CAPN6: variants seen among roughly 807,000 people sequenced by gnomAD.
The protein encoded by CAPN6 is calpain 6.
A neutral mutation model predicts 46.0 loss-of-function variants in CAPN6; 16 were observed. The observed-to-expected ratio is 0.35, with a 90% CI of 0.24 to 0.53. The LOEUF is 0.53. Among genes scored for constraint, CAPN6 ranks in the 20% least tolerant of loss-of-function variants. The pLI is 0.94. For synonymous variants in CAPN6, 206 were observed against 172.8 expected (o/e 1.19, Z -1.51); for missense variants, 461 against 498.0 (o/e 0.93, Z 0.71).
intron 1 of CAPN6, among the ~76,000 whole-genome samples, chrX:111,267,224 G>A (rs1189027876): frequency 8.9e-6 from 1 of 111,760 alleles, no homozygotes; most frequent in Non-Finnish European, 1.9e-5. Flanking sequence ...AGAGCCTCTA[G>A]CTAACAAAGG....
In CAPN6 at chrX:111,246,748, G is replaced by C. The variant is rs773861656; in HGVS notation, c.1755C>G (p.Ser585Arg). The C allele has an allele frequency of 4.1e-6, 5 of 1,208,982 alleles. No individual in the cohort carries two copies. Among genetic ancestry groups the C allele is most frequent in the South Asian group, 1.8e-5 (1 of 56,384 alleles). Residue 585 changes from serine to arginine, a missense_variant, in exon 13 of 13, where the codon AGC becomes AGG. Coordinates refer to ENST00000324068, the MANE Select transcript of CAPN6 (RefSeq NM_014289.4). ...DIPIIVQVWN[S>R]RKFCDQFLGQ... is the part of the protein sequence containing the mutation. ...CCAAGAACTGATCACAGAATTTTCGGCTGTTCCAGACCTGGAAAGACAAAC... is the reference window on the plus strand; with the variant it reads ...CCAAGAACTGATCACAGAATTTTCGCCTGTTCCAGACCTGGAAAGACAAAC...
At chrX:111,253,273 GAGAT>G in intron 3 of CAPN6, 57 bp from the exon 4 acceptor site, 1 of 953,300 alleles carries the variant, frequency 1.0e-6, no homozygotes, top group Non-Finnish European at 1.5e-6. Context: ...TCCAGAAACT[GAGAT>G]TACAGTTTAC....
intron 2 of CAPN6, 136 bp downstream of exon 2, chrX:111,263,635 GA>G (rs772193349): frequency 2.4e-4 from 101 of 413,227 alleles, no homozygotes; most frequent in Admixed American, 3.8e-4. Context: ...CAATAAAGCT[GA>G]AAAAAAAAGA....
chrX:111,257,030 G>A lies in CAPN6; in HGVS notation c.166-2627C>T, dbSNP rs61251801. On this transcript the variant is annotated intron_variant, in intron 2 of 12. Transcript: ENST00000324068. ...CTAGTAAAGCCTATTTTTCACATGA[G>A]GAAGCAAGCTCAGAGAGGGGCAATA... 3.0e-3 allele frequency among the ~76,000 whole-genome samples: 332 copies of A among 111,147 alleles called. 2 individuals carry two copies. Among genetic ancestry groups the A allele is most frequent in the African/African-American group, 0.01 (321 of 30,597 alleles).
At chrX:111,253,256 G>A in intron 3 of CAPN6, 40 bp from the exon 4 acceptor site, 1 of 1,045,398 alleles carries the variant, frequency 9.6e-7, no homozygotes, top group South Asian at 1.9e-5. Flanking sequence ...TTATTCACCA[G>A]ACCACATCCA....
intron 2 of CAPN6, among the ~76,000 whole-genome samples, chrX:111,256,855 C>G (rs868405234): frequency 1.9e-5 from 2 of 103,745 alleles, no homozygotes; most frequent in African/African-American, 7.3e-5. Flanking sequence ...ACCCCCCCCC[C>G]CACAACATTC....
rs150028681 is a variant in CAPN6 at position 111,264,403 on chromosome X, T to G, written c.-15-452A>C. Among the ~76,000 whole-genome samples, 1,043 of 111,876 alleles carry G rather than the reference T, an allele frequency of 9.3e-3. 8 individuals carry two copies. The highest frequency in any genetic ancestry group is 0.032 in the African/African-American group (981 of 30,804). On this transcript the variant is annotated intron_variant, in intron 1 of 12. Coordinates refer to ENST00000324068, the MANE Select transcript of CAPN6 (RefSeq NM_014289.4). ...TGGTGCCCTGGAGAGTCGCACACTT[T>G]GTGCATGAGGGGAAAAGCAGCCTCT...
Position 111,263,907 on chromosome X carries a change from G to A in CAPN6, c.30C>T (p.Asn10=). MGPPLKLFK[N]QKYQELKQEC... ...CCTGCTTCAGTTCCTGGTATTTCTG[G>A]TTTTTGAAGAGCTTCAGAGGAGGAC... The change falls in exon 2 of 13, where the codon AAC becomes AAT. Residue 10 remains asparagine (N), a synonymous_variant. Transcript: ENST00000324068. The A allele has an allele frequency of 8.3e-7, 1 of 1,206,053 alleles. No homozygotes were observed.
chrX:111,247,549 C>T, intron 11 of CAPN6, 45 bp from the exon 12 acceptor site: 1 of 1,161,016 alleles, frequency 8.6e-7, no homozygotes, highest in Non-Finnish European at 1.2e-6. Flanking sequence ...ATTAAAGTTC[C>T]TTTTCTAGAT....
At chrX:111,247,558 A>G (rs2147529565) in intron 11 of CAPN6, 54 bp from the exon 12 acceptor site, 1 of 1,136,990 alleles carries the variant, frequency 8.8e-7, no homozygotes, top group Non-Finnish European at 1.2e-6. Flanking sequence ...CCTTTTCTAG[A>G]TAGACAAGAA....
chrX:111,267,168 G>A, intron 1 of CAPN6, among the ~76,000 whole-genome samples: 1 of 111,474 alleles, frequency 9.0e-6, no homozygotes, highest in East Asian at 2.8e-4. Context: ...CAAGATAAAA[G>A]TTAGGGCTTT....
Position 111,259,479 on chromosome X carries a change from C to T in CAPN6, c.165+4293G>A, listed in dbSNP as rs760397432. 6.2e-5 allele frequency among the ~76,000 whole-genome samples: 7 copies of T among 112,215 alleles called. No homozygotes were observed. The South Asian group carries it at 2.2e-3, about 36-fold the overall frequency. Reference sequence around the variant, plus strand: ...TCTTTCCTTACGGTTCCCTCATATGCTGTCACCCAAGCCTGTATATTCTGC... The same window carrying T: ...TCTTTCCTTACGGTTCCCTCATATGTTGTCACCCAAGCCTGTATATTCTGC... On this transcript the variant is annotated intron_variant, in intron 2 of 12. Coordinates refer to ENST00000324068, the MANE Select transcript of CAPN6 (RefSeq NM_014289.4).
chrX:111,257,457 C>A (rs947965141), intron 2 of CAPN6, among the ~76,000 whole-genome samples: 2 of 111,958 alleles, frequency 1.8e-5, no homozygotes, highest in African/African-American at 6.5e-5. Context: ...GGAAATAAAT[C>A]CTTTATTAAG....
chrX:111,263,220 C>T (rs1160803223), intron 2 of CAPN6, among the ~76,000 whole-genome samples: 1 of 111,488 alleles, frequency 9.0e-6, no homozygotes, highest in Admixed American at 9.5e-5. Flanking sequence ...ATACTAAAAC[C>T]AACCCCAATG....
At chrX:111,265,588 T>C (rs1160414519) in intron 1 of CAPN6, among the ~76,000 whole-genome samples, 1 of 111,989 alleles carries the variant, frequency 8.9e-6, no homozygotes, top group Non-Finnish European at 1.9e-5. Flanking sequence ...AACCTGAATG[T>C]TTGCCCAGAC....
chrX:111,269,769 A>C (rs1189109690), intron 1 of CAPN6, among the ~76,000 whole-genome samples: 1 of 112,012 alleles, frequency 8.9e-6, no homozygotes, highest in Admixed American at 9.4e-5. Context: ...AGCCAAGATC[A>C]ACCTGTCACC....
intron 1 of CAPN6, among the ~76,000 whole-genome samples, chrX:111,265,810 T>C (rs1256891834): frequency 1.8e-5 from 2 of 111,763 alleles, no homozygotes; most frequent in African/African-American, 3.3e-5. Context: ...GTATTTCCTG[T>C]TCTGCCTTCA....
chrX:111,249,171 T>C, intron 8 of CAPN6, 114 bp from the exon 9 acceptor site: 1 of 812,451 alleles, frequency 1.2e-6, no homozygotes, highest in Non-Finnish European at 1.8e-6. Flanking sequence ...AGTTATTTTC[T>C]GGGCTTTCAT....
chrX:111,250,849 G>T, intron 8 of CAPN6, 68 bp downstream of exon 8: 1 of 1,008,239 alleles, frequency 9.9e-7, no homozygotes, highest in South Asian at 2.1e-5. Flanking sequence ...CTCCAGAGAT[G>T]ACCAAAGCAA....
Sources: gnomAD v4.1 joint callset for allele counts (sites outside exome capture counted in the v4.1 genomes callset) on GRCh38, gnomAD v4.1.1 for gene constraint, MANE v1.5 for transcripts, NCBI Gene and HGNC (gene_info 2026-07-23, HGNC 2026-07-21) for gene names.